Variants in CALD1 observed in about 807,000 individuals in gnomAD.
The protein encoded by CALD1 is caldesmon 1.
Under a neutral mutation model 99.9 loss-of-function variants are expected in CALD1, and 33 were observed. The observed-to-expected ratio is 0.33, with a 90% CI of 0.25 to 0.44. The LOEUF (loss-of-function observed/expected upper bound fraction) is 0.44. CALD1 is among the 20% of genes least tolerant of loss of function. The pLI, the probability that CALD1 is intolerant of heterozygous loss-of-function variation, is 1.00. For missense variants in CALD1, 861 were observed against 962.1 expected (o/e 0.89, Z 1.39); for synonymous variants, 310 against 325.0 (o/e 0.95, Z 0.50).
the CALD1 span, among the ~76,000 whole-genome samples, chr7:134,716,089 G>A: frequency 6.6e-6 from 1 of 152,106 alleles, no homozygotes; most frequent in Non-Finnish European, 1.5e-5. Flanking sequence ...AATATAGTGA[G>A]AATAAAAATA....
chr7:134,763,079 TCTAA>T (rs1165676253), intron 1 of CALD1, among the ~76,000 whole-genome samples: 91 of 152,336 alleles, frequency 6.0e-4, no homozygotes, highest in South Asian at 2.3e-3. Context: ...ATCTATCTAA[TCTAA>T]CTATTTATCT....
At chr7:134,803,082 C>CTAGTAGT (rs1798007087) in intron 1 of CALD1, among the ~76,000 whole-genome samples, 1 of 152,104 alleles carries the variant, frequency 6.6e-6, no homozygotes, top group South Asian at 2.1e-4. Context: ...TTAAACAATT[C>CTAGTAGT]TAGTAGTTGT....
In CALD1 at chr7:134,933,592, GAAGAAA is replaced by G; in HGVS notation, c.824_829del (p.Glu275_Arg277delinsGly). ...GGCAGAGAGGGCAAGGTTGGAAGCA[GAAGAAA>G]GAGAAAGAATTAAAGCCGAGCAAGA... On this transcript the variant is annotated inframe_deletion, in exon 5 of 15. Transcript: ENST00000361675. The G allele has an allele frequency of 1.9e-6, 3 of 1,613,022 alleles. No individual in the cohort carries two copies. The highest frequency in any genetic ancestry group is 2.5e-6 in the Non-Finnish European group (3 of 1,179,556).
At chr7:134,832,107 G>A (rs1357730397) in intron 1 of CALD1, among the ~76,000 whole-genome samples, 1 of 152,210 alleles carries the variant, frequency 6.6e-6, no homozygotes, top group African/African-American at 2.4e-5. Flanking sequence ...AGTGTATTTA[G>A]GGAGTTATAC....
chr7:134,813,841 C>T (rs1027249011), intron 1 of CALD1, among the ~76,000 whole-genome samples: 18 of 152,080 alleles, frequency 1.2e-4, no homozygotes, highest in African/African-American at 3.9e-4. Context: ...TGTCTGCTTG[C>T]TACATGGAGA....
At chr7:134,844,265 T>A (rs1164504336) in intron 2 of CALD1, 1 of 152,208 alleles carries the variant, frequency 6.6e-6, no homozygotes, top group Non-Finnish European at 1.5e-5. Context: ...GGATCAATCA[T>A]GAAGTCTTCA....
the CALD1 span, among the ~76,000 whole-genome samples, chr7:134,730,028 C>T: frequency 1.3e-5 from 2 of 152,122 alleles, no homozygotes; most frequent in Non-Finnish European, 2.9e-5. Context: ...GACACAGTCA[C>T]AGATGAGAGA....
At chr7:134,820,959 GA>G (rs376360147) in intron 1 of CALD1, among the ~76,000 whole-genome samples, 3,211 of 152,116 alleles carry the variant, frequency 0.021, 113 homozygotes, top group African/African-American at 0.073. Context: ...AAGGAGAGGG[GA>G]GGAGAAAAAT....
chr7:134,920,804 T>C, intron 3 of CALD1: 1 of 662,820 alleles, frequency 1.5e-6, no homozygotes, highest in Non-Finnish European at 2.4e-6. Flanking sequence ...TGTTGGAATT[T>C]TAGGTGCAGA....
At chr7:134,735,075 G>GAGAACCA in the CALD1 span, 1 of 202,414 alleles carries the variant, frequency 4.9e-6, no homozygotes, top group Non-Finnish European at 1.0e-5. Flanking sequence ...GAAAATGGCA[G>GAGAACCA]AGAACCACTC....
At chr7:134,894,819 T>C (rs938804954) in intron 3 of CALD1, among the ~76,000 whole-genome samples, 4 of 152,202 alleles carry the variant, frequency 2.6e-5, no homozygotes, top group African/African-American at 4.8e-5. Flanking sequence ...CTGGTACTTT[T>C]ATCATTTTCC....
chr7:134,940,825 C>T (rs374145620), intron 6 of CALD1, among the ~76,000 whole-genome samples: 1 of 152,280 alleles, frequency 6.6e-6, no homozygotes, highest in Admixed American at 6.5e-5. Context: ...AACAATAGTA[C>T]TACCACTGCT....
chr7:134,797,414 G>T (rs1387471609), intron 1 of CALD1, among the ~76,000 whole-genome samples: 4 of 152,190 alleles, frequency 2.6e-5, no homozygotes, highest in African/African-American at 9.7e-5. Flanking sequence ...TAACACATGA[G>T]ATCACATATG....
chr7:134,742,294 C>A, upstream of CALD1, among the ~76,000 whole-genome samples: 1 of 152,176 alleles, frequency 6.6e-6, no homozygotes, highest in South Asian at 2.1e-4. Context: ...CAAAAGAAGG[C>A]CATTCCTAAC....
chr7:134,891,501 C>A (rs1470297064), intron 3 of CALD1: 6 of 1,480,642 alleles, frequency 4.1e-6, no homozygotes, highest in Non-Finnish European at 5.4e-6. Context: ...GAGCATCCTG[C>A]ACCGTGCATT....
At chr7:134,739,756 T>C, upstream of CALD1, among the ~76,000 whole-genome samples, 1 of 152,044 alleles carries the variant, frequency 6.6e-6, no homozygotes, top group East Asian at 1.9e-4. Context: ...TGACTTCACG[T>C]GAGTGAGAAA....
At chr7:134,776,383 C>T (rs1796919066), upstream of CALD1, among the ~76,000 whole-genome samples, 1 of 152,084 alleles carries the variant, frequency 6.6e-6, no homozygotes, top group South Asian at 2.1e-4. Flanking sequence ...CGATCTTTCT[C>T]TTTTCTTTTT....
At chr7:134,759,314 T>G (rs1277948163) in intron 1 of CALD1, among the ~76,000 whole-genome samples, 1 of 152,124 alleles carries the variant, frequency 6.6e-6, no homozygotes, top group Non-Finnish European at 1.5e-5. Context: ...GACTGAAAAG[T>G]CACAAGGTGA....
At chr7:134,797,711 G>GA (rs1797799121) in intron 1 of CALD1, among the ~76,000 whole-genome samples, 1 of 152,102 alleles carries the variant, frequency 6.6e-6, no homozygotes, top group South Asian at 2.1e-4. Context: ...TCCTGCCTCA[G>GA]CCTCCCGAGT....
Sources: allele counts gnomAD v4.1 joint callset (sites outside exome capture counted in the v4.1 genomes callset), GRCh38; gene constraint gnomAD v4.1.1; transcripts MANE v1.5; gene names NCBI Gene and HGNC (gene_info 2026-07-23, HGNC 2026-07-21).